Variants in CFAP92 observed in about 807,000 individuals in gnomAD.
CFAP92 encodes the protein uncharacterized protein CFAP92.
In CFAP92, 86 loss-of-function variants were observed where a neutral mutation model predicts 106.3. The ratio of observed to expected loss-of-function variants is 0.81; its 90% CI spans 0.68 to 0.97. CFAP92 has a LOEUF of 0.97. Ranked by LOEUF, CFAP92 falls within the 50% of genes least tolerant of loss-of-function variation. CFAP92 has a pLI of 0.00. For synonymous variants in CFAP92, 477 were observed against 506.4 expected, an observed-to-expected ratio of 0.94 and a Z score of 0.78; for missense variants, 1,204 against 1,283.8, an observed-to-expected ratio of 0.94 and a Z score of 0.95.
intron 7 of CFAP92, among the ~76,000 whole-genome samples, chr3:128,973,978 G>T (rs1054646228): frequency 5.3e-5 from 8 of 152,278 alleles, no homozygotes; most frequent in African/African-American, 1.7e-4. Flanking sequence ...TAAAAAGAAC[G>T]GTTTAAAAAT....
Position 128,972,247 on chromosome 3 carries a change from C to CT in CFAP92, c.1022-815dup, listed in dbSNP as rs58453936. 2.2e-3 allele frequency among the ~76,000 whole-genome samples: 318 copies of CT among 145,394 alleles called. 3 individuals carry two copies. Among genetic ancestry groups the CT allele is most frequent in the Admixed American group, 3.6e-3 (52 of 14,522 alleles). ...TGACATCTGGATGAAGGATTTCTTT[C>CT]TTTTTTTTTTTTGAGACGGAGTTTC... is the stretch of plus-strand genomic sequence containing the variant. On this transcript the variant is annotated intron_variant, in intron 7 of 15. Transcript: ENST00000645291.
At chr3:129,003,948 G>C, upstream of CFAP92, 1 of 1,414,140 alleles carries the variant, frequency 7.1e-7, no homozygotes, top group Non-Finnish European at 9.2e-7. Flanking sequence ...GTGCGGCGGC[G>C]CGCGGAGGAG....
upstream of CFAP92, among the ~76,000 whole-genome samples, chr3:129,005,149 C>T (rs183347401): frequency 1.0e-3 from 156 of 152,298 alleles, no homozygotes; most frequent in African/African-American, 3.5e-3. Context: ...GACCACGTGA[C>T]TAGGACAGAC....
At chr3:129,011,013 G>T in the CFAP92 span, among the ~76,000 whole-genome samples, 1 of 152,138 alleles carries the variant, frequency 6.6e-6, no homozygotes, top group African/African-American at 2.4e-5. Context: ...AGTTTCCTCG[G>T]CTATAAAGTG....
At chr3:128,939,791 T>G (rs919685040) in intron 10 of CFAP92, among the ~76,000 whole-genome samples, 5 of 152,180 alleles carry the variant, frequency 3.3e-5, no homozygotes, top group African/African-American at 1.2e-4. Context: ...AGGCATTAGA[T>G]TCTCATAAGG....
chr3:129,011,564 A>G, the CFAP92 span, among the ~76,000 whole-genome samples: 1 of 152,094 alleles, frequency 6.6e-6, no homozygotes, highest in Non-Finnish European at 1.5e-5. Context: ...AAAAAAAAAA[A>G]AAGAATGAAG....
At chr3:129,016,827 CT>C in the CFAP92 span, among the ~76,000 whole-genome samples, 1 of 152,186 alleles carries the variant, frequency 6.6e-6, no homozygotes, top group Non-Finnish European at 1.5e-5. Flanking sequence ...TCTGTACAAC[CT>C]TATTGCACTC....
At chr3:128,931,453 G>GTATA (rs57606032) in intron 12 of CFAP92, among the ~76,000 whole-genome samples, 4 of 138,154 alleles carry the variant, frequency 2.9e-5, no homozygotes, top group African/African-American at 1.1e-4. Context: ...ATATATGTGT[G>GTATA]TATATATATA....
intron 1 of CFAP92, 149 bp from the exon 2 acceptor site, chr3:128,993,485 C>A: frequency 1.4e-6 from 1 of 717,066 alleles, no homozygotes; most frequent in Non-Finnish European, 2.3e-6. Context: ...TCACTGCCTG[C>A]CACACAGTCG....
At chr3:128,994,739 TGA>T (rs1944416238), upstream of CFAP92, among the ~76,000 whole-genome samples, 1 of 152,128 alleles carries the variant, frequency 6.6e-6, no homozygotes, top group Non-Finnish European at 1.5e-5. Context: ...CCACCCAAGC[TGA>T]GAGCCCTGGC....
intron 8 of CFAP92, chr3:128,967,175 C>T (rs958194288): frequency 1.3e-5 from 2 of 152,152 alleles, no homozygotes; most frequent in African/African-American, 4.8e-5. Flanking sequence ...AAATGTATTT[C>T]TAGGGCATGT....
In CFAP92 at chr3:128,910,939, C is replaced by T. The variant is rs530495124; in HGVS notation, c.3281-606G>A. 2.1e-4 allele frequency: 247 copies of T among 1,203,334 alleles called. 2 individuals are homozygous for T. The African/African-American group carries it at 3.4e-3, about 17-fold the overall frequency. 74.5% of individuals were successfully genotyped at this position (1,203,334 alleles called of 1,614,324 possible). A position where few individuals can be genotyped will look rare whatever the true frequency, so the allele number is the denominator to read the frequency against. The stretch of plus-strand genomic sequence containing the variant: ...GCTACTCACAGACCTCTGCCTTGAG[C>T]GAGGGCCTGGGTAGGCCTGGGCTTA... On this transcript the variant is annotated intron_variant, in intron 15 of 15. Transcript: ENST00000645291.
chr3:129,003,231 T>G, upstream of CFAP92: 1 of 985,392 alleles, frequency 1.0e-6, no homozygotes, highest in Non-Finnish European at 1.2e-6. Context: ...GAATCCCAAG[T>G]AACGTACTGG....
At chr3:128,935,793 C>T (rs62265295) in intron 10 of CFAP92, among the ~76,000 whole-genome samples, 13,641 of 151,924 alleles carry the variant, frequency 0.09, 668 homozygotes, top group African/African-American at 0.13. Flanking sequence ...TACTCTAGCC[C>T]GGACAACAGA....
intron 4 of CFAP92, chr3:128,978,461 C>T: frequency 3.8e-6 from 1 of 262,328 alleles, no homozygotes. Context: ...GATACGGTGG[C>T]TCATGTCCGT....
chr3:128,946,626 AT>A (rs2107731284), intron 9 of CFAP92, among the ~76,000 whole-genome samples: 1 of 152,340 alleles, frequency 6.6e-6, no homozygotes, highest in East Asian at 1.9e-4. Flanking sequence ...GGCACTATTT[AT>A]TTTACACGGA....
At chr3:128,970,112 A>T (rs1467681958) in intron 8 of CFAP92, 1 of 152,358 alleles carries the variant, frequency 6.6e-6, no homozygotes, top group African/African-American at 2.4e-5. Context: ...AAAAATAGCC[A>T]GGTGTGGTGG....
At chr3:128,995,823 A>C (rs1295823836), upstream of CFAP92, among the ~76,000 whole-genome samples, 1 of 152,194 alleles carries the variant, frequency 6.6e-6, no homozygotes, top group East Asian at 1.9e-4. Context: ...CCAGGGGTGG[A>C]GCTTAGAAAC....
intron 14 of CFAP92, 30 bp from the exon 15 acceptor site, chr3:128,915,305 G>C: frequency 6.5e-7 from 1 of 1,535,988 alleles, no homozygotes; most frequent in Non-Finnish European, 8.7e-7. Flanking sequence ...AAATCAGGAG[G>C]AGAAAGGTCC....
Sources: gnomAD v4.1 joint callset for allele counts (sites outside exome capture counted in the v4.1 genomes callset) on GRCh38, gnomAD v4.1.1 for gene constraint, MANE v1.5 for transcripts, NCBI Gene and HGNC (gene_info 2026-07-23, HGNC 2026-07-21) for gene names.